Variants in ABTB3 observed in about 807,000 individuals in gnomAD.
The protein encoded by ABTB3 is ankyrin repeat and BTB domain containing 3, also known as ankyrin repeat- and BTB/POZ domain-containing protein 3.
At chr12:107,541,367 G>T in the ABTB3 span, among the ~76,000 whole-genome samples, 3 of 152,266 alleles carry the variant, frequency 2.0e-5, no homozygotes, top group African/African-American at 7.2e-5. Context: ...CCCAACAGGG[G>T]CTAGCATCAT....
At chr12:107,363,210 G>A in the ABTB3 span, among the ~76,000 whole-genome samples, 2 of 152,184 alleles carry the variant, frequency 1.3e-5, no homozygotes, top group African/African-American at 2.4e-5. Context: ...TTCATTAATT[G>A]CTTTTGAAAG....
the ABTB3 span, among the ~76,000 whole-genome samples, chr12:107,600,362 C>T: frequency 4.6e-5 from 7 of 152,196 alleles, no homozygotes; most frequent in Non-Finnish European, 1.0e-4. Context: ...ATGTGAAATA[C>T]TTAACAAATG....
At chr12:107,341,857 C>T in the ABTB3 span, among the ~76,000 whole-genome samples, 4 of 152,096 alleles carry the variant, frequency 2.6e-5, no homozygotes, top group Non-Finnish European at 5.9e-5. Context: ...GCACCTCCCT[C>T]CTCCCTCCCT....
At chr12:107,432,598 G>A in the ABTB3 span, among the ~76,000 whole-genome samples, 1 of 152,148 alleles carries the variant, frequency 6.6e-6, no homozygotes, top group African/African-American at 2.4e-5. Context: ...GGACAGAGGA[G>A]GTGTCTAATA....
the ABTB3 span, among the ~76,000 whole-genome samples, chr12:107,493,248 T>G: frequency 1.3e-5 from 2 of 152,134 alleles, no homozygotes; most frequent in African/African-American, 4.8e-5. Context: ...AGTCTCTTTC[T>G]GCCAAGCAAG....
At chr12:107,328,275 G>A in the ABTB3 span, among the ~76,000 whole-genome samples, 1 of 152,254 alleles carries the variant, frequency 6.6e-6, no homozygotes, top group African/African-American at 2.4e-5. Flanking sequence ...TGGCTGGCCA[G>A]ATTTGAATTA....
At chr12:107,358,895 C>T in the ABTB3 span, among the ~76,000 whole-genome samples, 5 of 152,286 alleles carry the variant, frequency 3.3e-5, no homozygotes, top group East Asian at 1.9e-4. Flanking sequence ...CGGCCTCCAC[C>T]GTCTATTTTA....
At chr12:107,484,287 T>G in the ABTB3 span, among the ~76,000 whole-genome samples, 1 of 152,178 alleles carries the variant, frequency 6.6e-6, no homozygotes, top group Non-Finnish European at 1.5e-5. Context: ...TCCCAAAGCC[T>G]CTGAAAAGGT....
the ABTB3 span, among the ~76,000 whole-genome samples, chr12:107,332,024 C>T: frequency 6.6e-6 from 1 of 152,232 alleles, no homozygotes; most frequent in Non-Finnish European, 1.5e-5. Context: ...CCTTCACAGC[C>T]TCTGATGGCC....
the ABTB3 span, among the ~76,000 whole-genome samples, chr12:107,605,924 G>A: frequency 6.6e-6 from 1 of 152,202 alleles, no homozygotes; most frequent in Non-Finnish European, 1.5e-5. Context: ...TACCTGGGTG[G>A]ACAGTGGTGC....
At chr12:107,349,959 G>T in the ABTB3 span, among the ~76,000 whole-genome samples, 2 of 152,276 alleles carry the variant, frequency 1.3e-5, no homozygotes, top group South Asian at 4.1e-4. Flanking sequence ...CTGATTTCTA[G>T]CAGGCTTGTC....
chr12:107,437,701 C>T, the ABTB3 span, among the ~76,000 whole-genome samples: 4 of 152,160 alleles, frequency 2.6e-5, no homozygotes, highest in South Asian at 4.1e-4. Context: ...CACACCCGGC[C>T]GGAGCCATCA....
the ABTB3 span, among the ~76,000 whole-genome samples, chr12:107,457,715 A>G: frequency 2.6e-5 from 4 of 152,218 alleles, no homozygotes; most frequent in Non-Finnish European, 5.9e-5. Context: ...CCCTGGAGGC[A>G]TGGCCTCAGC....
the ABTB3 span, among the ~76,000 whole-genome samples, chr12:107,335,337 C>A: frequency 8.6e-6 from 1 of 116,136 alleles, no homozygotes; most frequent in African/African-American, 3.1e-5. Context: ...GCAGCAGCAT[C>A]GATGTACTTA....
chr12:107,425,336 C>G, the ABTB3 span, among the ~76,000 whole-genome samples: 1 of 152,150 alleles, frequency 6.6e-6, no homozygotes, highest in African/African-American at 2.4e-5. Flanking sequence ...AGTCCTGATA[C>G]CTACCATATG....
At chr12:107,505,096 CAA>C in the ABTB3 span, among the ~76,000 whole-genome samples, 6 of 152,138 alleles carry the variant, frequency 3.9e-5, no homozygotes, top group Admixed American at 2.0e-4. Context: ...AATGCATACT[CAA>C]ATAGTGAATC....
the ABTB3 span, among the ~76,000 whole-genome samples, chr12:107,571,601 A>AT: frequency 1.3e-5 from 2 of 152,042 alleles, no homozygotes; most frequent in African/African-American, 2.4e-5. Flanking sequence ...CTGGATGTTT[A>AT]TTTTTTGTGC....
chr12:107,426,954 A>G, the ABTB3 span, among the ~76,000 whole-genome samples: 1 of 151,774 alleles, frequency 6.6e-6, no homozygotes, highest in East Asian at 1.9e-4. Flanking sequence ...TTTCAATTTC[A>G]TCCATTTTCA....
At chr12:107,610,124 C>T in the ABTB3 span, 50 of 1,585,516 alleles carry the variant, frequency 3.2e-5, no homozygotes, top group Admixed American at 5.5e-4. Flanking sequence ...GTGCTTCCTG[C>T]GGAGTTTGCT....
Sources: allele counts gnomAD v4.1 joint callset (sites outside exome capture counted in the v4.1 genomes callset), GRCh38; gene constraint gnomAD v4.1.1; transcripts MANE v1.5; gene names NCBI Gene and HGNC (gene_info 2026-07-23, HGNC 2026-07-21).